Variants in TTC39C observed in about 807,000 individuals in gnomAD.
TTC39C encodes tetratricopeptide repeat domain 39C.
TTC39C carries 33 observed loss-of-function variants against 76.3 expected under a neutral mutation model. That is an observed-to-expected ratio of 0.43 (90% CI 0.33 to 0.58). TTC39C has a LOEUF of 0.58. TTC39C is among the 20% of genes least tolerant of loss of function. TTC39C has a pLI of 0.04. For missense variants in TTC39C, 595 were observed against 701.4 expected (o/e 0.85, Z 1.71); for synonymous variants, 254 against 260.6 (o/e 0.97, Z 0.24).
intron 1 of TTC39C, among the ~76,000 whole-genome samples, chr18:24,002,230 C>T (rs1033709673): frequency 6.6e-6 from 1 of 152,126 alleles, no homozygotes; most frequent in Non-Finnish European, 1.5e-5. Flanking sequence ...GTGACACAAG[C>T]AGCACCATCA....
At chr18:24,026,905 T>C (rs942548670) in intron 1 of TTC39C, among the ~76,000 whole-genome samples, 1 of 152,220 alleles carries the variant, frequency 6.6e-6, no homozygotes, top group African/African-American at 2.4e-5. Flanking sequence ...CAAATGAAAC[T>C]CTTTGGTACT....
chr18:24,047,147 G>A (rs1267019773), intron 1 of TTC39C, among the ~76,000 whole-genome samples: 1 of 151,632 alleles, frequency 6.6e-6, no homozygotes, highest in Non-Finnish European at 1.5e-5. Context: ...AGGCTGGAGT[G>A]CAGTGGCGCG....
At chr18:24,045,889 G>A (rs2083862470) in intron 1 of TTC39C, among the ~76,000 whole-genome samples, 1 of 56,352 alleles carries the variant, frequency 1.8e-5, no homozygotes, top group Non-Finnish European at 3.1e-5. Context: ...TTCCTTCTGT[G>A]AAAATATATA....
intron 1 of TTC39C, chr18:24,022,563 A>G: frequency 1.0e-6 from 1 of 985,308 alleles, no homozygotes; most frequent in Non-Finnish European, 1.2e-6. Flanking sequence ...AAAAGGATTC[A>G]CATGTGTCCT....
chr18:24,001,827 T>TTTTTG lies in TTC39C; in HGVS notation c.-17+8793_-17+8794insGTTTT, dbSNP rs1412384354. Among the ~76,000 whole-genome samples, 4 of 41,668 alleles carry TTTTTG rather than the reference T, an allele frequency of 9.6e-5. No homozygotes were observed. In the South Asian group the frequency reaches 2.6e-3, roughly 27 times the overall value. The allele number at this position is 41,668 out of a possible 152,430, so 27.3% of individuals were successfully genotyped here. On this transcript the variant is annotated intron_variant, in intron 1 of 13. Transcript: ENST00000304621. Reference sequence around the variant, plus strand: ...GGTGAGGTGTACGGTAATTCTGTTTTTTTTTTTTTTTTTTTTGAGACGGAG... The same window carrying TTTTTG: ...GGTGAGGTGTACGGTAATTCTGTTTTTTTTGTTTTTTTTTTTTTTTTGAGACGGAG...
chr18:24,105,562 C>T (rs2084736385), intron 6 of TTC39C, among the ~76,000 whole-genome samples: 1 of 152,196 alleles, frequency 6.6e-6, no homozygotes, highest in East Asian at 1.9e-4. Flanking sequence ...CACACTGGCC[C>T]ACCTTCGTCA....
intron 3 of TTC39C, among the ~76,000 whole-genome samples, chr18:24,068,865 A>G (rs144480287): frequency 3.3e-5 from 5 of 152,302 alleles, no homozygotes; most frequent in African/African-American, 1.2e-4. Flanking sequence ...TTTGTTTTTA[A>G]AAAAGGTGAA....
intron 1 of TTC39C, among the ~76,000 whole-genome samples, chr18:24,055,176 C>T (rs1392940005): frequency 1.3e-5 from 2 of 152,104 alleles, no homozygotes; most frequent in Admixed American, 6.5e-5. Context: ...CATCTTTTAG[C>T]TGTTGTGAAT....
chr18:24,075,276 G>A (rs2084288848), intron 4 of TTC39C, among the ~76,000 whole-genome samples: 1 of 151,712 alleles, frequency 6.6e-6, no homozygotes, highest in Non-Finnish European at 1.5e-5. Flanking sequence ...TTGTGCACAT[G>A]TACGCTAGAA....
intron 1 of TTC39C, among the ~76,000 whole-genome samples, chr18:24,005,020 G>A (rs1455515858): frequency 6.6e-6 from 1 of 152,162 alleles, no homozygotes; most frequent in Non-Finnish European, 1.5e-5. Context: ...TCTAACTAAG[G>A]AATGGTACGA....
At chr18:24,000,692 T>TCACA (rs1015967692) in intron 1 of TTC39C, 7 of 152,220 alleles carry the variant, frequency 4.6e-5, no homozygotes, top group African/African-American at 1.4e-4. Context: ...ACCTGTGCAG[T>TCACA]CACACAGTCA....
chr18:24,079,932 GCTGGGACTACAGGTGTGCACTACCACA>G (rs35207299), intron 4 of TTC39C, among the ~76,000 whole-genome samples: 47,087 of 151,650 alleles, frequency 0.31, 7,422 homozygotes, highest in Admixed American at 0.35. Context: ...CTCCCAGGTA[GCTGGGACTACAGGTGTGCACTACCACA>G]CCTGGCTAAA....
intron 4 of TTC39C, among the ~76,000 whole-genome samples, chr18:24,079,950 C>T (rs1175841557): frequency 2.8e-5 from 2 of 72,352 alleles, no homozygotes; most frequent in South Asian, 9.7e-4. Context: ...TACAGGTGTG[C>T]ACTACCACAC....
chr18:24,121,808 G>C (rs1281051069), intron 8 of TTC39C, among the ~76,000 whole-genome samples: 1 of 152,164 alleles, frequency 6.6e-6, no homozygotes, highest in Non-Finnish European at 1.5e-5. Flanking sequence ...TGTGACCTTA[G>C]GCAATGCTCA....
At position 24,066,033 on chromosome 18, in the gene TTC39C, G is replaced by GA; in HGVS notation, c.240dup (p.Glu81ArgfsTer8). Reference sequence around the variant, plus strand: ...GAAGAATGCCATGATGACATTTGAGGAAGAAAAAATGCAGTTGGCATGTGA... The same window carrying GA: ...GAAGAATGCCATGATGACATTTGAGGAAAGAAAAAATGCAGTTGGCATGTGA... On this transcript the variant is annotated frameshift_variant, in exon 3 of 14. Transcript: ENST00000317571. LOFTEE classifies it high-confidence loss of function. The GA allele has an allele frequency of 6.3e-7, 1 of 1,594,032 alleles. No individual in the cohort carries two copies. The highest frequency in any genetic ancestry group is 8.5e-7 in the Non-Finnish European group (1 of 1,172,986).
intron 1 of TTC39C, among the ~76,000 whole-genome samples, chr18:24,016,353 CTT>C (rs1055211822): frequency 2.0e-5 from 3 of 152,130 alleles, no homozygotes; most frequent in African/African-American, 7.2e-5. Context: ...CACAATTTCT[CTT>C]TTGTAGTTTT....
intron 6 of TTC39C, chr18:24,099,096 CAT>C (rs33949735): frequency 0.48 from 66,013 of 137,418 alleles, 15,092 homozygotes; most frequent in South Asian, 0.67. Flanking sequence ...AACATATATA[CAT>C]ATATATATAT....
At chr18:24,062,522 G>T (rs1437565708) in intron 1 of TTC39C, among the ~76,000 whole-genome samples, 1 of 152,218 alleles carries the variant, frequency 6.6e-6, no homozygotes, top group Non-Finnish European at 1.5e-5. Context: ...GAGGCAGATT[G>T]TGGGGATGAC....
chr18:24,086,112 T>C (rs1434638837), intron 6 of TTC39C, among the ~76,000 whole-genome samples: 1 of 152,190 alleles, frequency 6.6e-6, no homozygotes, highest in African/African-American at 2.4e-5. Context: ...TGAATTTGCT[T>C]ACAAAGAATT....
Sources: allele counts gnomAD v4.1 joint callset (sites outside exome capture counted in the v4.1 genomes callset), GRCh38; gene constraint gnomAD v4.1.1; transcripts MANE v1.5; gene names NCBI Gene and HGNC (gene_info 2026-07-23, HGNC 2026-07-21).